Variants in GPT2 observed in about 807,000 individuals in gnomAD.
GPT2 encodes alanine aminotransferase 2.
In GPT2, 30 loss-of-function variants were observed where a neutral mutation model predicts 56.9. The observed-to-expected ratio is 0.53, with a 90% CI of 0.39 to 0.72. The LOEUF (loss-of-function observed/expected upper bound fraction) is 0.72. Among genes scored for constraint, GPT2 ranks in the 30% least tolerant of loss-of-function variants. GPT2 has a pLI of 0.00. For synonymous variants in GPT2, 271 were observed against 283.1 expected (o/e 0.96, Z 0.43); for missense variants, 542 against 703.4 (o/e 0.77, Z 2.60).
intron 8 of GPT2, among the ~76,000 whole-genome samples, chr16:46,921,433 A>C (rs765880301): frequency 1.1e-4 from 16 of 152,042 alleles, no homozygotes; most frequent in Non-Finnish European, 1.8e-4. Context: ...TCGGCCTCCC[A>C]AAGTGCTGTG....
chr16:46,885,428 C>A, intron 2 of GPT2: 1 of 965,482 alleles, frequency 1.0e-6, no homozygotes, highest in Non-Finnish European at 1.2e-6. Flanking sequence ...AAAGTTGGTT[C>A]TGTTCCCCAG....
Position 46,899,526 on chromosome 16 carries a change from C to T in GPT2, c.334-1156C>T, listed in dbSNP as rs369444565. On this transcript the variant is annotated intron_variant, in intron 3 of 11. Coordinates refer to ENST00000340124, the MANE Select transcript of GPT2 (RefSeq NM_133443.4). ...GAGAGGAGCTGAGGCTGGCCCTGGTCTGAGGGGCGCTCACTGGGCCTCCCT... is the reference window on the plus strand; with the variant it reads ...GAGAGGAGCTGAGGCTGGCCCTGGTTTGAGGGGCGCTCACTGGGCCTCCCT... Among the ~76,000 whole-genome samples, 3 of 152,190 alleles carry T rather than the reference C, an allele frequency of 2.0e-5. No individual in the cohort carries two copies. In the East Asian group the frequency reaches 5.8e-4, roughly 29 times the overall value.
At chr16:46,927,185 A>C in intron 11 of GPT2, 148 bp downstream of exon 11, 1 of 473,466 alleles carries the variant, frequency 2.1e-6, no homozygotes, top group Non-Finnish European at 3.7e-6. Flanking sequence ...CCTGCTGCAG[A>C]CCCAAGCTCA....
intron 6 of GPT2, among the ~76,000 whole-genome samples, chr16:46,910,138 T>C (rs1309449404): frequency 6.6e-6 from 1 of 152,054 alleles, no homozygotes; most frequent in Non-Finnish European, 1.5e-5. Context: ...CCCAGCACTT[T>C]GGGAGGCCGA....
intron 7 of GPT2, among the ~76,000 whole-genome samples, chr16:46,917,987 C>A (rs1961204241): frequency 6.6e-6 from 1 of 152,172 alleles, no homozygotes; most frequent in Admixed American, 6.5e-5. Context: ...TCCGACTGAT[C>A]CCCAGGGCCC....
In GPT2 at chr16:46,929,622, G is replaced by C. The variant is rs114397273; in HGVS notation, c.*625G>C. 6.6e-6 allele frequency: 1 copy of C among 152,592 alleles called. No individual in the cohort carries two copies. Among genetic ancestry groups the C allele is most frequent in the East Asian group, 1.9e-4 (1 of 5,202 alleles). The allele number at this position is 152,592 out of a possible 1,614,324, so 9.5% of individuals were successfully genotyped here. On this transcript the variant is annotated 3_prime_UTR_variant, in exon 12 of 12. Coordinates refer to ENST00000340124, the MANE Select transcript of GPT2 (RefSeq NM_133443.4). ...GGGCCCCACTGTGAGGCGTGGGTGTGAGCCAGGCTGCAGGAGGAACTGGGC... is the reference window on the plus strand; with the variant it reads ...GGGCCCCACTGTGAGGCGTGGGTGTCAGCCAGGCTGCAGGAGGAACTGGGC...
In GPT2 at chr16:46,884,681, C is replaced by A; in HGVS notation, c.-22-13C>A. 1 of 1,367,112 alleles carries A rather than the reference C, an allele frequency of 7.3e-7. No homozygotes were observed. The highest frequency in any genetic ancestry group is 3.1e-5 in the Admixed American group (1 of 32,778). 84.7% of individuals were successfully genotyped at this position (1,367,112 alleles called of 1,614,324 possible). On this transcript the variant is annotated splice_polypyrimidine_tract_variant and intron_variant, in intron 1 of 11. Coordinates refer to ENST00000340124, the MANE Select transcript of GPT2 (RefSeq NM_133443.4). ...TGCGCGACGTGTTTGTTCTTTTTCT[C>A]TTTTTGTGCCAGGGTTTCTCTCCGC...
At position 46,884,729 on chromosome 16, in the gene GPT2, C is replaced by G; in HGVS notation, c.14C>G (p.Ala5Gly). The G allele has an allele frequency of 7.2e-7, 1 of 1,382,462 alleles. No individual in the cohort carries two copies. The highest frequency in any genetic ancestry group is 9.4e-7 in the Non-Finnish European group (1 of 1,066,582). 85.6% of individuals were successfully genotyped at this position (1,382,462 alleles called of 1,614,324 possible). A position where few individuals can be genotyped will look rare whatever the true frequency, so the allele number is the denominator to read the frequency against. ...CGCAAGCGCGCGATGCAGCGGGCGG[C>G]GGCGCTGGTCCGGCGGGGCTGTGGT... is the stretch of plus-strand genomic sequence containing the variant. The part of the protein sequence containing the change: MQRA[A>G]ALVRRGCGPR... The change falls in exon 2 of 12, where the codon GCG becomes GGG. Residue 5 changes from alanine (A) to glycine (G), a missense_variant. By Grantham distance (60) the Ala-to-Gly change is moderately conservative. Coordinates refer to ENST00000340124, the MANE Select transcript of GPT2 (RefSeq NM_133443.4).
chr16:46,885,218 A>C, intron 2 of GPT2: 1 of 1,239,672 alleles, frequency 8.1e-7, no homozygotes, highest in East Asian at 3.4e-5. Context: ...GCTGCCAGGC[A>C]CCGCACGTTG....
In GPT2 at chr16:46,927,021, G is replaced by T. The variant is rs749227115; in HGVS notation, c.1465G>T (p.Gly489Cys). The change falls in exon 11 of 12, where the codon GGC (glycine) becomes TGC (cysteine). Residue 489 changes from glycine (G) to cysteine (C), a missense_variant. By Grantham distance (159) the Gly-to-Cys change is radical. Coordinates refer to ENST00000340124, the MANE Select transcript of GPT2 (RefSeq NM_133443.4). ...CGGCAGTGGCTTTGGGCAGAGGGAA[G>T]GCACTTACCACTTCAGGTATGACTT... ...VPGSGFGQREGTYHFRMTILP... is the reference protein window; with the variant it reads ...VPGSGFGQRECTYHFRMTILP... The T allele has an allele frequency of 6.2e-7, 1 of 1,601,564 alleles. No individual in the cohort carries two copies. The highest frequency in any genetic ancestry group is 1.3e-5 in the African/African-American group (1 of 74,378).
intron 3 of GPT2, among the ~76,000 whole-genome samples, chr16:46,898,954 G>A (rs28673760): frequency 1.9e-4 from 6 of 31,412 alleles, no homozygotes; most frequent in African/African-American, 6.2e-4. Flanking sequence ...ACACATATAT[G>A]TGTATATATA....
chr16:46,929,938 C>T lies in GPT2; in HGVS notation c.*941C>T, dbSNP rs1283323684. 6.6e-6 allele frequency: 1 copy of T among 152,608 alleles called. No individual in the cohort carries two copies. The highest frequency in any genetic ancestry group is 1.5e-5 in the Non-Finnish European group (1 of 68,170). The allele number at this position is 152,608 out of a possible 1,614,324, so 9.5% of individuals were successfully genotyped here. On this transcript the variant is annotated 3_prime_UTR_variant, in exon 12 of 12. Transcript: ENST00000340124. ...GAAATGAGGGCTGAAAATATCCTCC[C>T]CACAAGGGCAATCCCCGGGACCTGC... is the stretch of plus-strand genomic sequence containing the variant.
In GPT2 at chr16:46,921,159, GT is replaced by G. The variant is rs571858704; in HGVS notation, c.1038-1076del. Among the ~76,000 whole-genome samples the G allele has an allele frequency of 1.6e-4, 25 of 152,190 alleles. 1 individual carries two copies. In the East Asian group the frequency reaches 4.4e-3, roughly 27 times the overall value. On this transcript the variant is annotated intron_variant, in intron 8 of 11. Coordinates refer to ENST00000340124, the MANE Select transcript of GPT2 (RefSeq NM_133443.4). ...TCAGCAGTGTGATCCCAAAAGCATG[GT>G]TTTTTTGATTTTTGTTTTGTTGTTT...
intron 2 of GPT2, among the ~76,000 whole-genome samples, chr16:46,888,177 G>A (rs1032386994): frequency 5.3e-5 from 8 of 152,188 alleles, no homozygotes; most frequent in Non-Finnish European, 1.0e-4. Flanking sequence ...GAACTGAGGG[G>A]AAGACTGACA....
intron 2 of GPT2, among the ~76,000 whole-genome samples, chr16:46,886,476 C>T (rs1960486351): frequency 6.6e-6 from 1 of 152,210 alleles, no homozygotes; most frequent in African/African-American, 2.4e-5. Flanking sequence ...CTGACTGCCA[C>T]GTTGTTCTCT....
intron 11 of GPT2, among the ~76,000 whole-genome samples, chr16:46,928,486 G>A (rs934991078): frequency 1.3e-5 from 2 of 151,964 alleles, no homozygotes; most frequent in African/African-American, 4.8e-5. Context: ...AGCTGGGCGT[G>A]GTGGCAGGCA....
At chr16:46,895,894 T>A (rs989958487) in intron 2 of GPT2, among the ~76,000 whole-genome samples, 1 of 152,238 alleles carries the variant, frequency 6.6e-6, no homozygotes, top group Admixed American at 6.5e-5. Flanking sequence ...CTAAAGTTGC[T>A]TTTATTCACA....
intron 7 of GPT2, among the ~76,000 whole-genome samples, chr16:46,917,232 C>T (rs1382706492): frequency 6.6e-6 from 1 of 152,108 alleles, no homozygotes; most frequent in Non-Finnish European, 1.5e-5. Flanking sequence ...TGCAGATTGG[C>T]CAGGCCCAGA....
chr16:46,893,746 C>G (rs1404456096), intron 2 of GPT2, among the ~76,000 whole-genome samples: 1 of 152,146 alleles, frequency 6.6e-6, no homozygotes, highest in Admixed American at 6.5e-5. Flanking sequence ...ACCTTCCGTG[C>G]ATCTGTGCCG....
Sources: allele counts gnomAD v4.1 joint callset (sites outside exome capture counted in the v4.1 genomes callset), GRCh38; gene constraint gnomAD v4.1.1; transcripts MANE v1.5; gene names NCBI Gene and HGNC (gene_info 2026-07-23, HGNC 2026-07-21).